The following FGL1 variants were observed in gnomAD, a reference collection of about 807,000 sequenced individuals.
The protein encoded by FGL1 is fibrinogen like 1.
A neutral mutation model predicts 43.7 loss-of-function variants in FGL1; 59 were observed. That is an observed-to-expected ratio of 1.35 (90% CI 1.10 to 1.68). FGL1 has a LOEUF of 1.68. Ranked by LOEUF, FGL1 falls within the 40% of genes most tolerant of loss-of-function variation. The pLI is 0.00. For synonymous variants in FGL1, 192 were observed against 126.5 expected (o/e 1.52, Z -3.48); for missense variants, 596 against 373.0 (o/e 1.60, Z -4.92).
At chr8:17,884,631 T>C (rs1305557506) in intron 2 of FGL1, among the ~76,000 whole-genome samples, 2 of 152,210 alleles carry the variant, frequency 1.3e-5, no homozygotes, top group Non-Finnish European at 2.9e-5. Flanking sequence ...TTATGGTGTC[T>C]GGGTCCTGAG....
At chr8:17,875,048 A>G (rs2053424385) in intron 3 of FGL1, among the ~76,000 whole-genome samples, 1 of 152,258 alleles carries the variant, frequency 6.6e-6, no homozygotes, top group African/African-American at 2.4e-5. Flanking sequence ...AGTAAAATTT[A>G]TCTCACCCAT....
chr8:17,887,566 T>C (rs1472018073), intron 1 of FGL1, among the ~76,000 whole-genome samples: 2 of 152,154 alleles, frequency 1.3e-5, no homozygotes, highest in African/African-American at 4.8e-5. Flanking sequence ...ATAACCAAGA[T>C]GGGCCGGGCG....
At chr8:17,882,363 TG>T (rs1461552755) in intron 2 of FGL1, 184 bp from the exon 3 acceptor site, 9 of 524,240 alleles carry the variant, frequency 1.7e-5, no homozygotes, top group Non-Finnish European at 2.9e-5. Context: ...TTGGAAATTA[TG>T]GCTTATGCGA....
At chr8:17,878,502 C>A (rs2053489568) in intron 3 of FGL1, among the ~76,000 whole-genome samples, 1 of 152,136 alleles carries the variant, frequency 6.6e-6, no homozygotes, top group African/African-American at 2.4e-5. Context: ...GATGCTGGAG[C>A]CAGTGGTGTT....
chr8:17,878,786 A>G (rs1585138484), intron 3 of FGL1, among the ~76,000 whole-genome samples: 1 of 152,106 alleles, frequency 6.6e-6, no homozygotes, highest in Non-Finnish European at 1.5e-5. Flanking sequence ...AAATAAGAAG[A>G]AAAGATTTAT....
At chr8:17,881,076 G>C (rs1458374063) in intron 3 of FGL1, among the ~76,000 whole-genome samples, 2 of 151,492 alleles carry the variant, frequency 1.3e-5, no homozygotes, top group African/African-American at 4.9e-5. Context: ...AACAAGGAAA[G>C]ATACACAAAC....
intron 5 of FGL1, among the ~76,000 whole-genome samples, chr8:17,872,371 T>C (rs2053376916): frequency 6.7e-6 from 1 of 149,082 alleles, no homozygotes; most frequent in Admixed American, 6.7e-5. Flanking sequence ...GGCGCAATCT[T>C]GGCTCACTGC....
At chr8:17,869,637 G>C (rs959405439) in intron 5 of FGL1, among the ~76,000 whole-genome samples, 1 of 152,124 alleles carries the variant, frequency 6.6e-6, no homozygotes, top group Non-Finnish European at 1.5e-5. Context: ...AAAGTATGTA[G>C]AGTGGATGTC....
intron 3 of FGL1, among the ~76,000 whole-genome samples, chr8:17,880,738 A>G (rs2053522624): frequency 6.6e-6 from 1 of 152,204 alleles, no homozygotes; most frequent in Non-Finnish European, 1.5e-5. Context: ...TGCTTTCGCT[A>G]GCATTCTTTT....
In FGL1 at chr8:17,887,923, G is replaced by A. The variant is rs570726904; in HGVS notation, c.-17-2352C>T. 5.3e-5 allele frequency among the ~76,000 whole-genome samples: 8 copies of A among 151,438 alleles called. No individual in the cohort carries two copies. The East Asian group carries it at 1.5e-3, about 29-fold the overall frequency. On this transcript the variant is annotated intron_variant, in intron 1 of 7. Transcript: ENST00000427924. ...TATAATTTGTAGCAACAATTTATAA[G>A]AACTCTGGCATTTCACTCTTTATTT...
intron 3 of FGL1, among the ~76,000 whole-genome samples, chr8:17,878,518 G>T (rs568995871): frequency 6.6e-6 from 1 of 152,168 alleles, no homozygotes; most frequent in Non-Finnish European, 1.5e-5. Context: ...GTGTTGTCAA[G>T]TGAACGGCGG....
intron 1 of FGL1, chr8:17,895,187 A>T: frequency 1.6e-6 from 1 of 640,304 alleles, no homozygotes; most frequent in Non-Finnish European, 2.0e-6. Context: ...TAAGTTCTCT[A>T]AAATTTTCCA....
At chr8:17,878,426 C>G (rs914959935) in intron 3 of FGL1, among the ~76,000 whole-genome samples, 1 of 152,148 alleles carries the variant, frequency 6.6e-6, no homozygotes, top group Non-Finnish European at 1.5e-5. Flanking sequence ...GAGTCAACAC[C>G]TTAGGCCACT....
chr8:17,869,000 G>T lies in FGL1; in HGVS notation c.507C>A (p.Asp169Glu). The stretch of plus-strand genomic sequence containing the variant: ...CTGCAAGGTCGATTTTTAAAGTGTA[G>T]TCTTCTAAAAAAGAAACAAGCAATT... ...KNLHFLTTQE[D>E]YTLKIDLADF... is the part of the protein sequence containing the mutation. The change falls in exon 6 of 8, where the codon GAC becomes GAA. Residue 169 changes from aspartate (D) to glutamate (E), a missense_variant. By Grantham distance (45) the Asp-to-Glu change is conservative (BLOSUM62 2). Coordinates refer to ENST00000427924, the MANE Select transcript of FGL1 (RefSeq NM_004467.4). The T allele has an allele frequency of 6.3e-7, 1 of 1,589,004 alleles. No individual in the cohort carries two copies. Among genetic ancestry groups the T allele is most frequent in the East Asian group, 2.3e-5 (1 of 44,422 alleles).
chr8:17,867,996 C>T (rs35361827), intron 7 of FGL1, among the ~76,000 whole-genome samples: 49 of 152,158 alleles, frequency 3.2e-4, no homozygotes, highest in African/African-American at 1.1e-3. Flanking sequence ...CAATCAAAAA[C>T]GGAATGAATT....
rs1403479132 is a variant in FGL1, at chr8:17,881,127, T to C, written c.244+872A>G. 2.2e-5 allele frequency among the ~76,000 whole-genome samples: 3 copies of C among 137,176 alleles called. No individual in the cohort carries two copies. In the East Asian group the frequency reaches 6.4e-4, roughly 29 times the overall value. 90.0% of individuals were successfully genotyped at this position (137,176 alleles called of 152,430 possible). A position where few individuals can be genotyped will look rare whatever the true frequency, so the allele number is the denominator to read the frequency against. ...AAAAATTCCCAATTGTAATCTGCCA[T>C]GTGTACACGGATTTTTTTTTTTTTT... is the stretch of plus-strand genomic sequence containing the variant. On this transcript the variant is annotated intron_variant, in intron 3 of 7. Coordinates refer to ENST00000427924, the MANE Select transcript of FGL1 (RefSeq NM_004467.4).
intron 3 of FGL1, among the ~76,000 whole-genome samples, chr8:17,880,625 T>C (rs2131723303): frequency 6.6e-6 from 1 of 152,310 alleles, no homozygotes; most frequent in Admixed American, 6.5e-5. Flanking sequence ...ACATTAAATA[T>C]CATTCTAGAC....
chr8:17,864,794 G>GA, intron 7 of FGL1, 43 bp from the exon 8 acceptor site: 1 of 1,391,266 alleles, frequency 7.2e-7, no homozygotes, highest in Non-Finnish European at 9.4e-7. Context: ...AATCAGACTG[G>GA]AAAAATATTG....
chr8:17,884,972 C>A (rs777417474), intron 2 of FGL1, among the ~76,000 whole-genome samples: 1 of 151,844 alleles, frequency 6.6e-6, no homozygotes, highest in Non-Finnish European at 1.5e-5. Flanking sequence ...ATATTCCAAC[C>A]AAATAACTCC....
Sources: gnomAD v4.1 joint callset for allele counts (sites outside exome capture counted in the v4.1 genomes callset) on GRCh38, gnomAD v4.1.1 for gene constraint, MANE v1.5 for transcripts, NCBI Gene and HGNC (gene_info 2026-07-23, HGNC 2026-07-21) for gene names.